PPM1E: variants seen among roughly 807,000 people sequenced by gnomAD.
The protein encoded by PPM1E is protein phosphatase 1E.
PPM1E carries 20 observed loss-of-function variants against 65.9 expected under a neutral mutation model. That is an observed-to-expected ratio of 0.30 (90% confidence interval 0.21 to 0.44). The LOEUF (loss-of-function observed/expected upper bound fraction) is 0.44. PPM1E is among the 20% of genes least tolerant of loss of function. The probability of loss-of-function intolerance (pLI) is 1.00; values close to 1 mark genes in which losing one functional copy is unlikely to be tolerated. For synonymous variants in PPM1E, 352 were observed against 374.9 expected, an observed-to-expected ratio of 0.94 and a Z score of 0.70; for missense variants, 713 against 953.1, an observed-to-expected ratio of 0.75 and a Z score of 3.32.
intron 1 of PPM1E, among the ~76,000 whole-genome samples, chr17:58,760,869 C>T (rs528389756): frequency 2.0e-5 from 3 of 152,254 alleles, no homozygotes; most frequent in African/African-American, 4.8e-5. Context: ...AGATACAGTT[C>T]ATTACAAAGA....
chr17:58,791,122 C>A lies in PPM1E; in HGVS notation c.464+34661C>A, dbSNP rs186043841. On this transcript the variant is annotated intron_variant, in intron 1 of 6. Coordinates refer to ENST00000308249, the MANE Select transcript of PPM1E (RefSeq NM_014906.5). ...GGCCAGGCTGGTCTTGAACTCCTGA[C>A]CTCAAGTGATCCACCCACCTCAGCC... is the stretch of plus-strand genomic sequence containing the variant. Among the ~76,000 whole-genome samples, 5 of 152,136 alleles carry A rather than the reference C, an allele frequency of 3.3e-5. No homozygotes were observed. In the East Asian group the frequency reaches 9.7e-4, roughly 29 times the overall value.
intron 1 of PPM1E, among the ~76,000 whole-genome samples, chr17:58,865,461 T>C (rs2050991266): frequency 6.6e-6 from 1 of 152,102 alleles, no homozygotes; most frequent in African/African-American, 2.4e-5. Flanking sequence ...ATCCCAGCAC[T>C]TGGGGAGGCA....
intron 1 of PPM1E, among the ~76,000 whole-genome samples, chr17:58,888,362 CTTT>C (rs71367642): frequency 1.9e-5 from 2 of 104,480 alleles, no homozygotes; most frequent in Non-Finnish European, 1.9e-5. Flanking sequence ...ACTCTTCTCT[CTTT>C]TTTTTTTTTT....
chr17:58,761,072 T>G (rs2049816354), intron 1 of PPM1E, among the ~76,000 whole-genome samples: 1 of 152,180 alleles, frequency 6.6e-6, no homozygotes, highest in Non-Finnish European at 1.5e-5. Context: ...GTCTGGAGTT[T>G]GTGTTTTGTT....
chr17:58,915,568 T>A (rs1474396081), intron 1 of PPM1E, among the ~76,000 whole-genome samples: 1 of 152,168 alleles, frequency 6.6e-6, no homozygotes, highest in East Asian at 1.9e-4. Context: ...CAAGATGGAG[T>A]TGCTCTGGTT....
chr17:58,942,797 A>C (rs1235361328), intron 1 of PPM1E, among the ~76,000 whole-genome samples: 1 of 151,584 alleles, frequency 6.6e-6, no homozygotes, highest in East Asian at 1.9e-4. Context: ...CACATTGTGC[A>C]CATGTACCCT....
chr17:58,832,347 C>T (rs1411539050), intron 1 of PPM1E, among the ~76,000 whole-genome samples: 1 of 151,950 alleles, frequency 6.6e-6, no homozygotes, highest in Non-Finnish European at 1.5e-5. Context: ...TTATCATTTT[C>T]TTTTGAAATA....
chr17:58,867,197 C>A (rs2051015316), intron 1 of PPM1E, among the ~76,000 whole-genome samples: 1 of 152,156 alleles, frequency 6.6e-6, no homozygotes, highest in Admixed American at 6.5e-5. Flanking sequence ...GTCAGGCGGT[C>A]TCGAACTCCT....
chr17:58,935,928 G>A (rs556964864), intron 1 of PPM1E, among the ~76,000 whole-genome samples: 3 of 151,316 alleles, frequency 2.0e-5, no homozygotes, highest in Non-Finnish European at 2.9e-5. Context: ...CCATTAACTC[G>A]TCATTTAGCA....
chr17:58,773,431 G>T (rs997455679), intron 1 of PPM1E, among the ~76,000 whole-genome samples: 2 of 152,080 alleles, frequency 1.3e-5, no homozygotes, highest in African/African-American at 2.4e-5. Context: ...AAAGAGACAG[G>T]CTTCAACACT....
At chr17:58,932,979 ATACT>A (rs1271878941) in intron 1 of PPM1E, among the ~76,000 whole-genome samples, 3 of 152,176 alleles carry the variant, frequency 2.0e-5, no homozygotes, top group Non-Finnish European at 2.9e-5. Context: ...AGTTACACAA[ATACT>A]TACACTGTGT....
At chr17:58,819,819 C>T (rs1438263761) in intron 1 of PPM1E, among the ~76,000 whole-genome samples, 1 of 151,894 alleles carries the variant, frequency 6.6e-6, no homozygotes, top group African/African-American at 2.4e-5. Flanking sequence ...GGTGGATCAC[C>T]TGATGTCAGG....
At chr17:58,791,966 C>T (rs761876300) in intron 1 of PPM1E, among the ~76,000 whole-genome samples, 1 of 152,042 alleles carries the variant, frequency 6.6e-6, no homozygotes, top group Non-Finnish European at 1.5e-5. Context: ...TAAGGTTGCA[C>T]CTAACACTTT....
At chr17:58,803,230 A>T (rs2050275002) in intron 1 of PPM1E, among the ~76,000 whole-genome samples, 1 of 152,204 alleles carries the variant, frequency 6.6e-6, no homozygotes, top group Non-Finnish European at 1.5e-5. Flanking sequence ...TATGGCCTGT[A>T]TTATACGAAG....
intron 4 of PPM1E, 138 bp from the exon 5 acceptor site, chr17:58,971,994 G>A (rs1007300406): frequency 1.2e-6 from 1 of 803,070 alleles, no homozygotes; most frequent in Non-Finnish European, 1.9e-6. Flanking sequence ...TTGAGACAAT[G>A]AATTATTATA....
chr17:58,892,557 A>G (rs2051360766), intron 1 of PPM1E, among the ~76,000 whole-genome samples: 1 of 152,200 alleles, frequency 6.6e-6, no homozygotes, highest in South Asian at 2.1e-4. Context: ...TGGGTGACAG[A>G]GCAAGAGAAA....
chr17:58,759,091 C>T (rs1402256306), intron 1 of PPM1E, among the ~76,000 whole-genome samples: 1 of 151,800 alleles, frequency 6.6e-6, no homozygotes, highest in African/African-American at 2.4e-5. Flanking sequence ...CACTCCCCCA[C>T]CAAAATAAAA....
intron 1 of PPM1E, among the ~76,000 whole-genome samples, chr17:58,951,701 T>G (rs1047564681): frequency 7.2e-6 from 1 of 139,204 alleles, no homozygotes; most frequent in East Asian, 2.1e-4. Context: ...GAAAGAAAAA[T>G]AAATGGAGCA....
At chr17:58,888,464 A>G (rs1175555093) in intron 1 of PPM1E, among the ~76,000 whole-genome samples, 1 of 150,620 alleles carries the variant, frequency 6.6e-6, no homozygotes, top group African/African-American at 2.5e-5. Context: ...TCCTGATTCA[A>G]GTGATTCTCC....
Sources: gnomAD v4.1 joint callset for allele counts (sites outside exome capture counted in the v4.1 genomes callset) on GRCh38, gnomAD v4.1.1 for gene constraint, MANE v1.5 for transcripts, NCBI Gene and HGNC (gene_info 2026-07-23, HGNC 2026-07-21) for gene names.